ETV6: variants seen among roughly 807,000 people sequenced by gnomAD.
The protein encoded by ETV6 is ETS variant transcription factor 6, also known as transcription factor ETV6.
A neutral mutation model predicts 51.1 loss-of-function variants in ETV6; 16 were observed. That is an observed-to-expected ratio of 0.31 (90% CI 0.21 to 0.48). The LOEUF (loss-of-function observed/expected upper bound fraction) is 0.48. ETV6 is among the 20% of genes least tolerant of loss of function. The pLI is 0.99. For missense variants in ETV6, 458 were observed against 594.8 expected, an observed-to-expected ratio of 0.77 and a Z score of 2.39; for synonymous variants, 240 against 224.1, an observed-to-expected ratio of 1.07 and a Z score of -0.64.
intron 2 of ETV6, among the ~76,000 whole-genome samples, chr12:11,765,353 C>T (rs1194456000): frequency 6.6e-6 from 1 of 152,130 alleles, no homozygotes; most frequent in East Asian, 1.9e-4. Flanking sequence ...CTTAGATCCT[C>T]ATCTGTCTAC....
chr12:11,791,067 C>T (rs1342578506), intron 2 of ETV6, among the ~76,000 whole-genome samples: 1 of 152,130 alleles, frequency 6.6e-6, no homozygotes, highest in East Asian at 1.9e-4. Context: ...GACACCAGTC[C>T]CCAATCCTTT....
At chr12:11,734,518 A>G (rs1202925901) in intron 1 of ETV6, among the ~76,000 whole-genome samples, 1 of 145,744 alleles carries the variant, frequency 6.9e-6, no homozygotes, top group Non-Finnish European at 1.5e-5. Flanking sequence ...GAGATGAGCA[A>G]AAAAAAAAAA....
intron 1 of ETV6, among the ~76,000 whole-genome samples, chr12:11,741,289 C>G (rs1027414290): frequency 2.6e-5 from 4 of 152,194 alleles, no homozygotes; most frequent in African/African-American, 9.7e-5. Context: ...GATCATTCCC[C>G]TCACCCAGGG....
At position 11,869,347 on chromosome 12, in the gene ETV6, C is replaced by A; in HGVS notation, c.464-77C>A. ...CATACCTACACGCTCCTCCATTTAC[C>A]GCCTGTAGAGCCGCAGGGAGTTTCC... On this transcript the variant is annotated intron_variant, in intron 4 of 7. Transcript: ENST00000396373. This position sits in a 1 kb window ranked among gnomAD's most constrained non-coding sequence, Gnocchi z 5.0. The A allele has an allele frequency of 7.4e-7, 1 of 1,342,580 alleles. No individual in the cohort carries two copies. The highest frequency in any genetic ancestry group is 1.0e-6 in the Non-Finnish European group (1 of 970,504). 83.2% of individuals were successfully genotyped at this position (1,342,580 alleles called of 1,614,324 possible). A position where few individuals can be genotyped will look rare whatever the true frequency, so the allele number is the denominator to read the frequency against.
chr12:11,694,776 A>G (rs1252337918), intron 1 of ETV6, among the ~76,000 whole-genome samples: 1 of 152,202 alleles, frequency 6.6e-6, no homozygotes, highest in Admixed American at 6.5e-5. Flanking sequence ...TCTTTAGAAG[A>G]CATGTTCCTG....
At chr12:11,821,218 T>C (rs545120517) in intron 2 of ETV6, among the ~76,000 whole-genome samples, 3 of 151,108 alleles carry the variant, frequency 2.0e-5, no homozygotes, top group Non-Finnish European at 4.4e-5. Context: ...AAAAAAAAAT[T>C]AGCTGGGTGT....
At chr12:11,696,418 A>G (rs1198212587) in intron 1 of ETV6, among the ~76,000 whole-genome samples, 1 of 152,204 alleles carries the variant, frequency 6.6e-6, no homozygotes, top group Non-Finnish European at 1.5e-5. Flanking sequence ...CTTGTGAGTA[A>G]AATAGGGATT....
chr12:11,789,641 C>CTTTCCTCATACTTGATAGATTA (rs1425627370), intron 2 of ETV6, among the ~76,000 whole-genome samples: 14 of 152,140 alleles, frequency 9.2e-5, no homozygotes, highest in Admixed American at 2.0e-4. Context: ...TGTCTTTCTT[C>CTTTCCTCATACTTGATAGATTA]TTTCCTCATA....
chr12:11,853,824 A>G (rs945812089), intron 4 of ETV6, among the ~76,000 whole-genome samples: 13 of 152,196 alleles, frequency 8.5e-5, no homozygotes, highest in African/African-American at 3.1e-4. Flanking sequence ...GGTCCATGAC[A>G]GCCAGGTGCA....
chr12:11,722,803 T>A (rs1263142229), intron 1 of ETV6, among the ~76,000 whole-genome samples: 1 of 152,190 alleles, frequency 6.6e-6, no homozygotes, highest in Non-Finnish European at 1.5e-5. Context: ...TGCCTTAACT[T>A]AGCCACTACG....
chr12:11,715,839 C>G (rs1380503141), intron 1 of ETV6, among the ~76,000 whole-genome samples: 1 of 152,322 alleles, frequency 6.6e-6, no homozygotes, highest in East Asian at 1.9e-4. Context: ...TAAAGGAAAA[C>G]TGACTCAAAT....
intron 2 of ETV6, among the ~76,000 whole-genome samples, chr12:11,755,591 C>T (rs757328491): frequency 1.7e-4 from 26 of 152,134 alleles, no homozygotes; most frequent in Non-Finnish European, 3.4e-4. Flanking sequence ...CATATAGCCC[C>T]TACGATGACT....
chr12:11,830,209 C>T (rs1169158809), intron 2 of ETV6, among the ~76,000 whole-genome samples: 1 of 152,070 alleles, frequency 6.6e-6, no homozygotes, highest in African/African-American at 2.4e-5. Flanking sequence ...GAGCAGTATT[C>T]GGGATCTGCA....
chr12:11,837,715 T>G (rs749423750), intron 2 of ETV6, among the ~76,000 whole-genome samples: 3 of 152,230 alleles, frequency 2.0e-5, no homozygotes, highest in Non-Finnish European at 4.4e-5. Flanking sequence ...AGACGGAAGC[T>G]CCTCTTAGCA....
intron 2 of ETV6, among the ~76,000 whole-genome samples, chr12:11,808,449 A>AC (rs1945863291): frequency 1.4e-5 from 2 of 143,398 alleles, no homozygotes; most frequent in African/African-American, 6.0e-5. Flanking sequence ...AAAAACAAAA[A>AC]AAAAAAACCC....
Position 11,726,278 on chromosome 12 carries a change from T to C in ETV6, c.34-26172T>C, listed in dbSNP as rs1202856574. Among the ~76,000 whole-genome samples the C allele has an allele frequency of 3.3e-5, 5 of 152,308 alleles. No individual in the cohort carries two copies. The South Asian group carries it at 1.0e-3, about 32-fold the overall frequency. ...CTGAAGGAAAAGAGGGGAGACCAGC[T>C]GTGTTCAGAACCCACAGTCATTTCC... is the stretch of plus-strand genomic sequence containing the variant. On this transcript the variant is annotated intron_variant, in intron 1 of 7. Coordinates refer to ENST00000396373, the MANE Select transcript of ETV6 (RefSeq NM_001987.5).
chr12:11,874,980 G>T (rs1168896976), intron 5 of ETV6, among the ~76,000 whole-genome samples: 1 of 151,206 alleles, frequency 6.6e-6, no homozygotes, highest in East Asian at 2.0e-4. Context: ...CACCAACATG[G>T]CACATGTATA....
chr12:11,808,834 T>G (rs1945868969), intron 2 of ETV6, among the ~76,000 whole-genome samples: 1 of 152,064 alleles, frequency 6.6e-6, no homozygotes, highest in Non-Finnish European at 1.5e-5. Context: ...AAAAATGGGA[T>G]TTCAGGGAAT....
At chr12:11,717,113 C>T (rs576318716) in intron 1 of ETV6, among the ~76,000 whole-genome samples, 77 of 152,276 alleles carry the variant, frequency 5.1e-4, no homozygotes, top group African/African-American at 1.7e-3. Context: ...ATTTTGCCCA[C>T]GTTGTATTCC....
Sources: gnomAD v4.1 joint callset for allele counts (sites outside exome capture counted in the v4.1 genomes callset) on GRCh38, gnomAD v4.1.1 for gene constraint, Gnocchi (gnomAD v3.1) non-coding constraint, MANE v1.5 for transcripts, NCBI Gene and HGNC (gene_info 2026-07-23, HGNC 2026-07-21) for gene names.